PIP5K1B: variants seen among roughly 807,000 people sequenced by gnomAD.
The protein encoded by PIP5K1B is phosphatidylinositol-4-phosphate 5-kinase type 1 beta.
Under a neutral mutation model 67.0 loss-of-function variants are expected in PIP5K1B, and 42 were observed. The ratio of observed to expected loss-of-function variants is 0.63; its 90% confidence interval spans 0.49 to 0.81. PIP5K1B has a LOEUF of 0.81. Ranked by LOEUF, PIP5K1B falls within the 30% of genes least tolerant of loss-of-function variation. The pLI is 0.00. For missense variants in PIP5K1B, 459 were observed against 646.3 expected (o/e 0.71, Z 3.14); for synonymous variants, 214 against 231.4 (o/e 0.92, Z 0.68).
chr9:68,715,792 C>G (rs1374885236), intron 1 of PIP5K1B, among the ~76,000 whole-genome samples: 1 of 152,212 alleles, frequency 6.6e-6, no homozygotes, highest in Non-Finnish European at 1.5e-5. Flanking sequence ...TGAACCACTT[C>G]ATATTGCCGA....
chr9:68,997,250 A>G (rs1311881966), intron 15 of PIP5K1B, among the ~76,000 whole-genome samples: 3 of 152,268 alleles, frequency 2.0e-5, no homozygotes, highest in African/African-American at 7.2e-5. Flanking sequence ...CAGGGGTCTT[A>G]GAAAATTCAG....
chr9:68,867,256 C>T (rs75324656), intron 5 of PIP5K1B, among the ~76,000 whole-genome samples: 2,719 of 152,236 alleles, frequency 0.018, 73 homozygotes, highest in African/African-American at 0.058. Context: ...CCTCGGACTC[C>T]GGCTCCCACG....
intron 1 of PIP5K1B, chr9:68,728,708 G>A (rs1327992312): frequency 6.6e-6 from 1 of 152,140 alleles, no homozygotes; most frequent in Non-Finnish European, 1.5e-5. Context: ...GGAATACTTG[G>A]GACCAAGACA....
At chr9:68,788,224 T>C (rs1831742389) in intron 2 of PIP5K1B, 1 of 392,578 alleles carries the variant, frequency 2.5e-6, no homozygotes, top group African/African-American at 2.2e-5. Flanking sequence ...GAGGGGACTG[T>C]CCTAGGAGAC....
chr9:68,780,582 A>G (rs1338383696), intron 2 of PIP5K1B: 2 of 1,614,158 alleles, frequency 1.2e-6, no homozygotes, highest in Non-Finnish European at 1.7e-6. Context: ...CATCGATTTC[A>G]TTCCTGTGTC....
At chr9:68,723,529 G>A (rs189300172) in intron 1 of PIP5K1B, among the ~76,000 whole-genome samples, 8 of 151,786 alleles carry the variant, frequency 5.3e-5, no homozygotes, top group Non-Finnish European at 8.8e-5. Flanking sequence ...TTTGGTAATA[G>A]CCATTCTTAC....
chr9:68,893,194 C>G (rs1824888291), intron 7 of PIP5K1B, among the ~76,000 whole-genome samples: 1 of 152,120 alleles, frequency 6.6e-6, no homozygotes, highest in South Asian at 2.1e-4. Flanking sequence ...CAGTGGTTTT[C>G]TCAAATGTTG....
chr9:68,841,488 C>G (rs971395500), intron 4 of PIP5K1B, among the ~76,000 whole-genome samples: 3 of 152,126 alleles, frequency 2.0e-5, no homozygotes, highest in African/African-American at 7.2e-5. Flanking sequence ...CAAGTGATCC[C>G]TAGGTTACAG....
At chr9:68,754,336 A>AT (rs1829812414) in intron 2 of PIP5K1B, among the ~76,000 whole-genome samples, 1 of 150,866 alleles carries the variant, frequency 6.6e-6, no homozygotes. Flanking sequence ...TGCCTGACTG[A>AT]TTTTTTGTAT....
intron 12 of PIP5K1B, 80 bp from the exon 13 acceptor site, chr9:68,934,810 A>G: frequency 1.0e-6 from 1 of 977,720 alleles, no homozygotes. Flanking sequence ...TTAATAAATA[A>G]TAAAATATTC....
intron 4 of PIP5K1B, among the ~76,000 whole-genome samples, chr9:68,835,720 T>C (rs576932338): frequency 2.0e-5 from 3 of 152,312 alleles, no homozygotes; most frequent in Non-Finnish European, 4.4e-5. Context: ...TAGTCCTTAT[T>C]ATTGACTATT....
chr9:68,726,396 A>G (rs1244354535), intron 1 of PIP5K1B, among the ~76,000 whole-genome samples: 1 of 152,236 alleles, frequency 6.6e-6, no homozygotes, highest in Non-Finnish European at 1.5e-5. Flanking sequence ...CACCATTGGC[A>G]TAAGTGTCAC....
intron 2 of PIP5K1B, among the ~76,000 whole-genome samples, chr9:68,756,529 T>C (rs368256631): frequency 9.9e-5 from 15 of 152,242 alleles, no homozygotes; most frequent in African/African-American, 3.4e-4. Context: ...CTAATCATTT[T>C]TGCATTTCAA....
intron 2 of PIP5K1B, among the ~76,000 whole-genome samples, chr9:68,817,712 C>CTTTTTTT (rs1156788129): frequency 1.1e-5 from 1 of 93,636 alleles, no homozygotes; most frequent in Non-Finnish European, 2.1e-5. Flanking sequence ...AGACCTCATT[C>CTTTTTTT]TTTTTTTTTT....
At chr9:68,721,021 G>T (rs996478518) in intron 1 of PIP5K1B, among the ~76,000 whole-genome samples, 2 of 152,180 alleles carry the variant, frequency 1.3e-5, no homozygotes, top group Admixed American at 1.3e-4. Context: ...ACATCATGAA[G>T]CTTGTTAGTG....
intron 6 of PIP5K1B, among the ~76,000 whole-genome samples, chr9:68,877,331 C>G (rs968277827): frequency 1.3e-5 from 2 of 152,210 alleles, no homozygotes; most frequent in Non-Finnish European, 2.9e-5. Flanking sequence ...TCTTCATCTG[C>G]CTTCTGGCAC....
At chr9:68,901,137 A>G (rs566202104) in intron 8 of PIP5K1B, among the ~76,000 whole-genome samples, 1 of 152,340 alleles carries the variant, frequency 6.6e-6, no homozygotes, top group South Asian at 2.1e-4. Context: ...TGAAGGTAGA[A>G]ATACTTCAAT....
chr9:68,769,797 A>G (rs1054364048), intron 2 of PIP5K1B, among the ~76,000 whole-genome samples: 1 of 152,222 alleles, frequency 6.6e-6, no homozygotes, highest in Non-Finnish European at 1.5e-5. Flanking sequence ...TGGCCTGTCA[A>G]GGTGGCATGA....
At chr9:68,732,809 C>T (rs891248904) in intron 1 of PIP5K1B, among the ~76,000 whole-genome samples, 2 of 150,358 alleles carry the variant, frequency 1.3e-5, no homozygotes, top group Non-Finnish European at 3.0e-5. Context: ...GAGGCAAAGC[C>T]GGGTAATTCT....
Sources: allele counts gnomAD v4.1 joint callset (sites outside exome capture counted in the v4.1 genomes callset), GRCh38; gene constraint gnomAD v4.1.1; transcripts MANE v1.5; gene names NCBI Gene and HGNC (gene_info 2026-07-23, HGNC 2026-07-21).